ALYREF: variants seen among roughly 807,000 people sequenced by gnomAD.
ALYREF encodes the protein THO complex subunit 4.
ALYREF carries 1 observed loss-of-function variant against 25.2 expected under a neutral mutation model. That is an observed-to-expected ratio of 0.04 (90% CI 0.01 to 0.19). The LOEUF is 0.19. Ranked by LOEUF, ALYREF falls within the 10% of genes least tolerant of loss-of-function variation. The probability of loss-of-function intolerance (pLI) is 1.00; values close to 1 mark genes in which losing one functional copy is unlikely to be tolerated. For synonymous variants in ALYREF, 193 were observed against 153.5 expected (o/e 1.26, Z -1.90); for missense variants, 328 against 375.6 (o/e 0.87, Z 1.05).
rs768732986 is a variant in ALYREF at position 81,888,340 on chromosome 17, GCGGGTGCCTCTC to G, written c.669_680del (p.Arg224_Arg227del). ...CTCTGCCTCTTCCACGGGCGCCTCCGCGGGTGCCTCTCCGGGTGCCTCCACCACCACCAAAAC... is the reference window on the plus strand; with the variant it reads ...CTCTGCCTCTTCCACGGGCGCCTCCGCGGGTGCCTCCACCACCACCAAAAC... On this transcript the variant is annotated inframe_deletion, in exon 5 of 6. Coordinates refer to ENST00000505490, the MANE Select transcript of ALYREF (RefSeq NM_005782.4). The surrounding 1 kb of genome is among the most constrained non-coding windows in gnomAD (Gnocchi z 5.8). The G allele has an allele frequency of 1.4e-4, 228 of 1,605,114 alleles. No homozygotes were observed. The highest frequency in any genetic ancestry group is 1.8e-4 in the East Asian group (8 of 44,834).
In ALYREF at chr17:81,888,827, T is replaced by C. The variant is rs147662390; in HGVS notation, c.539-244A>G. ...TGGGCTGCTCGCTGAGGTATCGGGG[T>C]GCTCGTGGGTGGAGAGGTGTGGGTG... On this transcript the variant is annotated intron_variant, in intron 3 of 5. Transcript: ENST00000505490. This position sits in a 1 kb window ranked among gnomAD's most constrained non-coding sequence, Gnocchi z 5.8. 480 of 1,417,660 alleles carry C rather than the reference T, an allele frequency of 3.4e-4. 1 individual carries two copies. In the African/African-American group the frequency reaches 6.6e-3, roughly 19 times the overall value. The allele number at this position is 1,417,660 out of a possible 1,614,324, so 87.8% of individuals were successfully genotyped here. A position where few individuals can be genotyped will look rare whatever the true frequency, so the allele number is the denominator to read the frequency against.
rs760260411 is a variant in ALYREF at position 81,888,199 on chromosome 17, G to A, written c.780+42C>T. 84 of 1,613,820 alleles carry A rather than the reference G, an allele frequency of 5.2e-5. No individual in the cohort carries two copies. Among genetic ancestry groups the A allele is most frequent in the Non-Finnish European group, 6.4e-5 (76 of 1,179,998 alleles). On this transcript the variant is annotated intron_variant, in intron 5 of 5. Transcript: ENST00000505490. The surrounding 1 kb of genome is among the most constrained non-coding windows in gnomAD (Gnocchi z 5.8). Reference sequence around the variant, plus strand: ...ATTCACAGGCGGCCTGCTCCCCACTGCGGCTTTGACCAGGCCCCCAGCTGG... The same window carrying A: ...ATTCACAGGCGGCCTGCTCCCCACTACGGCTTTGACCAGGCCCCCAGCTGG...
Position 81,888,346 on chromosome 17 carries a change from G to A in ALYREF, c.675C>T (p.Gly225=), listed in dbSNP as rs1331489100. Residue 225 remains glycine (G), a synonymous_variant, in exon 5 of 6, where the codon GGC becomes GGT. Transcript: ENST00000505490. The surrounding 1 kb of genome is among the most constrained non-coding windows in gnomAD (Gnocchi z 5.8). ...CTCTTCCACGGGCGCCTCCGCGGGT[G>A]CCTCTCCGGGTGCCTCCACCACCAC... ...GFGGGGGTRR[G]TRGGARGRGR... The A allele has an allele frequency of 2.5e-6, 4 of 1,603,894 alleles. No homozygotes were observed. Among genetic ancestry groups the A allele is most frequent in the South Asian group, 1.1e-5 (1 of 90,844 alleles).
chr17:81,889,470 A>G, intron 2 of ALYREF, 141 bp from the exon 3 acceptor site: 1 of 972,244 alleles, frequency 1.0e-6, no homozygotes, highest in Non-Finnish European at 1.6e-6. Context: ...GAAATGAGGG[A>G]AGGGCGGGGC....
In ALYREF at chr17:81,891,377, G is replaced by T. The variant is rs1397067422; in HGVS notation, c.204C>A (p.Ile68=). ...GGGPIRNRPA[I]ARGAAGGGGR... ...CGCCTCCGCCGGCCGCGCCGCGGGC[G>T]ATGGCCGGCCGGTTCCGGATGGGCC... Residue 68 remains isoleucine (I), a synonymous_variant, in exon 1 of 6, where the codon ATC becomes ATA. Transcript: ENST00000505490. The T allele has an allele frequency of 3.5e-6, 4 of 1,140,322 alleles. No individual in the cohort carries two copies. Among genetic ancestry groups the T allele is most frequent in the Non-Finnish European group, 4.3e-6 (4 of 928,284 alleles). 70.6% of individuals were successfully genotyped at this position (1,140,322 alleles called of 1,614,324 possible).
At position 81,891,440 on chromosome 17, in the gene ALYREF, A is replaced by C. The variant is rs2143504325; in HGVS notation, c.141T>G (p.Gly47=). The C allele has an allele frequency of 9.9e-7, 1 of 1,012,306 alleles. No individual in the cohort carries two copies. The highest frequency in any genetic ancestry group is 9.8e-5 in the East Asian group (1 of 10,246). The allele number at this position is 1,012,306 out of a possible 1,614,324, so 62.7% of individuals were successfully genotyped here. ...GRAGSQGGRG[G]GAQAAARVNR... Reference sequence around the variant, plus strand: ...TCACTCGCGCGGCGGCCTGCGCCCCACCGCCGCGGCCGCCCTGGGAGCCGG... The same window carrying C: ...TCACTCGCGCGGCGGCCTGCGCCCCCCCGCCGCGGCCGCCCTGGGAGCCGG... The change falls in exon 1 of 6, where the codon GGT becomes GGG. Residue 47 remains glycine, a synonymous_variant. Coordinates refer to ENST00000505490, the MANE Select transcript of ALYREF (RefSeq NM_005782.4).
At chr17:81,889,069 G>A (rs979082964) in intron 3 of ALYREF, 113 bp downstream of exon 3, 6 of 1,493,086 alleles carry the variant, frequency 4.0e-6, no homozygotes, top group Non-Finnish European at 3.6e-6. Context: ...GAGACAAAGG[G>A]GCAAATGCAA....
intron 2 of ALYREF, among the ~76,000 whole-genome samples, chr17:81,890,454 T>A (rs2039498322): frequency 1.3e-5 from 2 of 152,042 alleles, no homozygotes; most frequent in South Asian, 4.1e-4. Flanking sequence ...GGCAGGGGAT[T>A]TTCACTCACA....
intron 3 of ALYREF, 157 bp downstream of exon 3, chr17:81,889,025 G>T: frequency 6.9e-7 from 1 of 1,456,212 alleles, no homozygotes. Context: ...GTCCAGATGT[G>T]TGGGGCAGCA....
intron 2 of ALYREF, among the ~76,000 whole-genome samples, 158 bp from the exon 3 acceptor site, chr17:81,889,487 G>A (rs531002924): frequency 6.6e-6 from 1 of 152,292 alleles, no homozygotes; most frequent in Admixed American, 6.5e-5. Flanking sequence ...GGGCAGGAGG[G>A]ACAGCAACTT....
In ALYREF at chr17:81,890,788, A is replaced by T; in HGVS notation, c.291T>A (p.Asp97Glu). The change falls in exon 2 of 6, where the codon GAT becomes GAA. Residue 97 changes from aspartate (D) to glutamate (E), a missense_variant. By Grantham distance (45) the Asp-to-Glu change is conservative. Coordinates refer to ENST00000505490, the MANE Select transcript of ALYREF (RefSeq NM_005782.4). ...PKQLPDKWQHDLFDSGFGGGA... is the reference protein window; with the variant it reads ...PKQLPDKWQHELFDSGFGGGA... ...CACCGCCGAAGCCACTGTCGAAAAG[A>T]TCGTGCTGCCACTTGTCGGGAAGTT... 6.2e-7 allele frequency: 1 copy of T among 1,614,070 alleles called. No individual in the cohort carries two copies. The highest frequency in any genetic ancestry group is 8.5e-7 in the Non-Finnish European group (1 of 1,180,020).
chr17:81,889,547 G>A (rs945779347), intron 2 of ALYREF, among the ~76,000 whole-genome samples: 6 of 152,202 alleles, frequency 3.9e-5, no homozygotes, highest in Admixed American at 6.5e-5. Context: ...GACCTGACAC[G>A]TGTACCACGA....
chr17:81,890,252 G>A (rs137935308), intron 2 of ALYREF, among the ~76,000 whole-genome samples: 2 of 152,096 alleles, frequency 1.3e-5, no homozygotes, highest in Non-Finnish European at 2.9e-5. Flanking sequence ...GTCTTTATAA[G>A]ACAGTACTCA....
chr17:81,890,637 C>G (rs2039502759), intron 2 of ALYREF, 52 bp downstream of exon 2: 7 of 1,593,562 alleles, frequency 4.4e-6, no homozygotes, highest in African/African-American at 1.4e-5. Context: ...CCCAAAATCA[C>G]GATCCGTCCT....
rs2039521980 is a variant in ALYREF at position 81,891,249 on chromosome 17, C to T, written c.258+74G>A. On this transcript the variant is annotated intron_variant, in intron 1 of 5. Coordinates refer to ENST00000505490, the MANE Select transcript of ALYREF (RefSeq NM_005782.4). ...TTATCCACCCGCCGGCCCGGGTCTC[C>T]GCCGCGAGCGGCCCCGGCCCCAGCC... 9.4e-6 allele frequency: 10 copies of T among 1,068,806 alleles called. No individual in the cohort carries two copies. In the South Asian group the frequency reaches 3.8e-4, roughly 40 times the overall value. The allele number at this position is 1,068,806 out of a possible 1,614,324, so 66.2% of individuals were successfully genotyped here. A position where few individuals can be genotyped will look rare whatever the true frequency, so the allele number is the denominator to read the frequency against.
At position 81,890,723 on chromosome 17, in the gene ALYREF, T is replaced by C; in HGVS notation, c.356A>G (p.Asn119Ser). 6.2e-7 allele frequency: 1 copy of C among 1,613,926 alleles called. No individual in the cohort carries two copies. The highest frequency in any genetic ancestry group is 8.5e-7 in the Non-Finnish European group (1 of 1,180,006). Residue 119 changes from asparagine to serine, a missense_variant, in exon 2 of 6, where the codon AAT becomes AGT. This residue lies in a region of ALYREF where 70 missense variants were observed against 129.9 expected (regional missense o/e 0.54). Transcript: ENST00000505490. The part of the protein sequence containing the change: ...VETGGKLLVS[N>S]LDFGVSDADI... ...GGCGTCTGAGACTCCAAAATCCAGA[T>C]TGGACACCAGCAGTTTCCCACCTGT... is the stretch of plus-strand genomic sequence containing the variant.
Position 81,887,939 on chromosome 17 carries a change from A to G in ALYREF, c.*192T>C, listed in dbSNP as rs1320533955. ...TTATCCCAAAAATAACTCGGTACAA[A>G]ACAGGTCTGTTTCAGAATTAAAAAA... On this transcript the variant is annotated 3_prime_UTR_variant, in exon 6 of 6. Transcript: ENST00000505490. The G allele has an allele frequency of 1.5e-6, 1 of 669,186 alleles. No individual in the cohort carries two copies. The highest frequency in any genetic ancestry group is 2.3e-6 in the Non-Finnish European group (1 of 427,598). The allele number at this position is 669,186 out of a possible 1,614,324, so 41.5% of individuals were successfully genotyped here.
chr17:81,891,446 GCGGCCGCCCTGGGAGCCGGCC>G lies in ALYREF; in HGVS notation c.114_134del (p.Ala39_Arg45del). 3 of 1,021,196 alleles carry G rather than the reference GCGGCCGCCCTGGGAGCCGGCC, an allele frequency of 2.9e-6. No individual in the cohort carries two copies. Among genetic ancestry groups the G allele is most frequent in the Non-Finnish European group, 3.5e-6 (3 of 857,808 alleles). 63.3% of individuals were successfully genotyped at this position (1,021,196 alleles called of 1,614,324 possible). A position where few individuals can be genotyped will look rare whatever the true frequency, so the allele number is the denominator to read the frequency against. On this transcript the variant is annotated inframe_deletion, in exon 1 of 6. Coordinates refer to ENST00000505490, the MANE Select transcript of ALYREF (RefSeq NM_005782.4). ...GCGCGGCGGCCTGCGCCCCACCGCC[GCGGCCGCCCTGGGAGCCGGCC>G]CGGCCGCGGCCCCGGCCCCCGCCCC...
chr17:81,890,574 A>G lies in ALYREF; in HGVS notation c.390+115T>C, dbSNP rs886233521. On this transcript the variant is annotated intron_variant, in intron 2 of 5. Transcript: ENST00000505490. ...CACTGGGTCTGTCCTGCAGCCCTTC[A>G]GAGCTGGGAGGGCTCCCTTCGCTAA... The G allele has an allele frequency of 5.4e-6, 8 of 1,476,428 alleles. No individual in the cohort carries two copies. The Admixed American group carries it at 1.4e-4, about 26-fold the overall frequency. 91.5% of individuals were successfully genotyped at this position (1,476,428 alleles called of 1,614,324 possible).
Sources: gnomAD v4.1 joint callset for allele counts (sites outside exome capture counted in the v4.1 genomes callset) on GRCh38, gnomAD v4.1.1 for gene constraint, gnomAD v4.1.1 regional missense constraint, Gnocchi (gnomAD v3.1) non-coding constraint, MANE v1.5 for transcripts, NCBI Gene and HGNC (gene_info 2026-07-23, HGNC 2026-07-21) for gene names.